DEFB110: variants seen among roughly 807,000 people sequenced by gnomAD.
The protein encoded by DEFB110 is defensin beta 110.
DEFB110 carries 4 observed loss-of-function variants against 2.5 expected under a neutral mutation model. The ratio of observed to expected loss-of-function variants is 1.60; its 90% CI spans 0.79 to 3.66. DEFB110 has a LOEUF of 3.66. Among genes scored for constraint, DEFB110 ranks in the 30% most tolerant of loss-of-function variants. The pLI is 0.01. For missense variants in DEFB110, 94 were observed against 75.4 expected, an observed-to-expected ratio of 1.25 and a Z score of -0.91; for synonymous variants, 29 against 21.8, an observed-to-expected ratio of 1.33 and a Z score of -0.92.
downstream of DEFB110, among the ~76,000 whole-genome samples, chr6:50,016,733 A>C (rs1261343902): frequency 6.6e-6 from 1 of 151,784 alleles, no homozygotes; most frequent in African/African-American, 2.4e-5. Context: ...GGAAAAAAAA[A>C]ATATTAATTT....
chr6:50,020,363 C>T (rs1485087748), intron 1 of DEFB110, among the ~76,000 whole-genome samples: 1 of 151,642 alleles, frequency 6.6e-6, no homozygotes, highest in Non-Finnish European at 1.5e-5. Flanking sequence ...TTAAATTGTA[C>T]CAAGTCAAAA....
chr6:50,011,618 T>C (rs1237509105), intron 1 of DEFB110, among the ~76,000 whole-genome samples: 1 of 151,980 alleles, frequency 6.6e-6, no homozygotes, highest in African/African-American at 2.4e-5. Context: ...GACTCAATGT[T>C]AGTTTTTCCA....
At chr6:50,018,052 G>A (rs1417411616), downstream of DEFB110, among the ~76,000 whole-genome samples, 3 of 151,848 alleles carry the variant, frequency 2.0e-5, no homozygotes, top group Admixed American at 1.3e-4. Flanking sequence ...TTGTTAAATT[G>A]TATTCCTAAA....
At chr6:50,017,423 C>G (rs1353277111), downstream of DEFB110, among the ~76,000 whole-genome samples, 2 of 151,752 alleles carry the variant, frequency 1.3e-5, no homozygotes, top group Non-Finnish European at 2.9e-5. Context: ...AATTTGCCCC[C>G]TCCCGCAAAG....
At chr6:50,016,601 G>A (rs923049791), downstream of DEFB110, among the ~76,000 whole-genome samples, 1 of 151,508 alleles carries the variant, frequency 6.6e-6, no homozygotes, top group Non-Finnish European at 1.5e-5. Context: ...GTAAATTCTG[G>A]GGGCAGAGTA....
At chr6:50,018,121 C>A (rs1401950589), downstream of DEFB110, among the ~76,000 whole-genome samples, 3 of 151,872 alleles carry the variant, frequency 2.0e-5, no homozygotes, top group Admixed American at 6.6e-5. Context: ...AGATGCATCA[C>A]TGACATGTTC....
At chr6:50,019,677 T>C (rs1430691379) in intron 1 of DEFB110, among the ~76,000 whole-genome samples, 1 of 151,346 alleles carries the variant, frequency 6.6e-6, no homozygotes, top group African/African-American at 2.4e-5. Flanking sequence ...ACAACATTGA[T>C]AAAGAAAAAA....
rs751577080 is a variant in DEFB110, at chr6:50,019,085, C to T, written c.96G>A (p.Arg32=). 2 of 1,613,102 alleles carry T rather than the reference C, an allele frequency of 1.2e-6. 1 individual carries two copies. Among genetic ancestry groups the T allele is most frequent in the Non-Finnish European group, 1.7e-6 (2 of 1,179,354 alleles). ...GACCATTACCTATTCTGCACTCTCT[C>T]CTCAAGTCCAAGCTACCATACTCAG... ...KYPEYGSLDL[R]RECRIGNGQC... is the part of the protein sequence containing the mutation. Residue 32 remains arginine, a synonymous_variant, in exon 2 of 2, where the codon AGG becomes AGA. Transcript: ENST00000371148.
chr6:50,019,505 A>T (rs1189734850), intron 1 of DEFB110, among the ~76,000 whole-genome samples: 1 of 152,042 alleles, frequency 6.6e-6, no homozygotes, highest in African/African-American at 2.4e-5. Flanking sequence ...GTTGTGCTTT[A>T]TGAATTCTTC....
At chr6:50,014,549 T>G (rs1045346265), downstream of DEFB110, among the ~76,000 whole-genome samples, 1 of 151,764 alleles carries the variant, frequency 6.6e-6, no homozygotes, top group Non-Finnish European at 1.5e-5. Context: ...TTCAAACATA[T>G]AAGAAGAAAT....
chr6:50,013,173 C>T (rs1357062649), intron 1 of DEFB110, among the ~76,000 whole-genome samples: 1 of 151,778 alleles, frequency 6.6e-6, no homozygotes, highest in Non-Finnish European at 1.5e-5. Context: ...CCTAAGGTTT[C>T]AGAGGGAGTA....
Position 50,019,272 on chromosome 6 carries a change from T to C in DEFB110, c.56-147A>G. Reference sequence around the variant, plus strand: ...AAGTTTAAGTGAATTTACTGTCCCTTGGTACAAGCTACATTCTAGAAATAA... The same window carrying C: ...AAGTTTAAGTGAATTTACTGTCCCTCGGTACAAGCTACATTCTAGAAATAA... On this transcript the variant is annotated intron_variant, in intron 1 of 1. Transcript: ENST00000371148. 5.1e-6 allele frequency: 4 copies of C among 782,598 alleles called. No homozygotes were observed. In the South Asian group the frequency reaches 7.9e-5, roughly 15 times the overall value. The allele number at this position is 782,598 out of a possible 1,614,324, so 48.5% of individuals were successfully genotyped here. A position where few individuals can be genotyped will look rare whatever the true frequency, so the allele number is the denominator to read the frequency against.
intron 1 of DEFB110, among the ~76,000 whole-genome samples, chr6:50,010,524 A>AT (rs1774209750): frequency 6.8e-6 from 1 of 147,192 alleles, no homozygotes; most frequent in African/African-American, 2.5e-5. Flanking sequence ...TTAACATGTT[A>AT]ATATATATAT....
At chr6:50,011,173 A>G (rs1452157378) in intron 1 of DEFB110, among the ~76,000 whole-genome samples, 2 of 151,248 alleles carry the variant, frequency 1.3e-5, no homozygotes, top group Admixed American at 6.6e-5. Flanking sequence ...TTTATAATAC[A>G]TATAGATAAA....
chr6:50,013,145 T>G (rs1222021224), intron 1 of DEFB110, among the ~76,000 whole-genome samples: 1 of 151,832 alleles, frequency 6.6e-6, no homozygotes, highest in East Asian at 1.9e-4. Context: ...TACATAAAGA[T>G]AGTTGAATTC....
chr6:50,009,375 G>GC, intron 1 of DEFB110: 1 of 1,208,124 alleles, frequency 8.3e-7, no homozygotes, highest in Non-Finnish European at 1.1e-6. Flanking sequence ...TCATGTGTGT[G>GC]CAAGTTGGAG....
At position 50,021,987 on chromosome 6, in the gene DEFB110, G is replaced by C; in HGVS notation, c.-52C>G. ...GCAACAGACCTCCTTTTTCAAGTCA[G>C]TTGTTTTGAAATAAGGAAACAGAGA... is the stretch of plus-strand genomic sequence containing the variant. On this transcript the variant is annotated 5_prime_UTR_variant, in exon 1 of 2. Coordinates refer to ENST00000371148, the MANE Select transcript of DEFB110 (RefSeq NM_001037497.2). 1.4e-6 allele frequency: 2 copies of C among 1,452,706 alleles called. No individual in the cohort carries two copies. Among genetic ancestry groups the C allele is most frequent in the Non-Finnish European group, 1.8e-6 (2 of 1,086,316 alleles). The allele number at this position is 1,452,706 out of a possible 1,614,324, so 90.0% of individuals were successfully genotyped here.
intron 1 of DEFB110, among the ~76,000 whole-genome samples, chr6:50,021,590 T>G (rs895099689): frequency 2.0e-5 from 3 of 152,198 alleles, no homozygotes; most frequent in Non-Finnish European, 4.4e-5. Flanking sequence ...AGCTTCCACT[T>G]ATGTTATATA....
chr6:50,015,652 AATAG>A (rs1177765504), downstream of DEFB110, among the ~76,000 whole-genome samples: 2 of 151,858 alleles, frequency 1.3e-5, no homozygotes, highest in African/African-American at 4.8e-5. Context: ...CTTGTAATAT[AATAG>A]ATAATTTGCT....
Sources: gnomAD v4.1 joint callset for allele counts (sites outside exome capture counted in the v4.1 genomes callset) on GRCh38, gnomAD v4.1.1 for gene constraint, MANE v1.5 for transcripts, NCBI Gene and HGNC (gene_info 2026-07-23, HGNC 2026-07-21) for gene names.